The following ASIC2 variants were observed in gnomAD, a reference collection of about 807,000 sequenced individuals.
The protein encoded by ASIC2 is acid sensing ion channel subunit 2, also known as acid-sensing ion channel 2.
A neutral mutation model predicts 57.3 loss-of-function variants in ASIC2; 25 were observed. That is an observed-to-expected ratio of 0.44 (90% CI 0.32 to 0.61). The LOEUF is 0.61. Ranked by LOEUF, ASIC2 falls within the 20% of genes least tolerant of loss-of-function variation. The probability of loss-of-function intolerance (pLI) is 0.06; values close to 1 mark genes in which losing one functional copy is unlikely to be tolerated. For missense variants in ASIC2, 641 were observed against 738.1 expected (o/e 0.87, Z 1.52); for synonymous variants, 319 against 307.5 (o/e 1.04, Z -0.39).
At chr17:33,229,138 C>T (rs1327532297) in intron 1 of ASIC2, among the ~76,000 whole-genome samples, 1 of 151,984 alleles carries the variant, frequency 6.6e-6, no homozygotes, top group African/African-American at 2.4e-5. Context: ...GGACAAATCA[C>T]CTAGCTTCTC....
At chr17:33,960,426 C>T (rs1364519978) in intron 1 of ASIC2, among the ~76,000 whole-genome samples, 1 of 152,198 alleles carries the variant, frequency 6.6e-6, no homozygotes, top group Non-Finnish European at 1.5e-5. Context: ...AATGTACATA[C>T]AGAGGTGAAT....
chr17:33,117,508 G>A (rs2092285875), intron 1 of ASIC2, among the ~76,000 whole-genome samples: 1 of 152,112 alleles, frequency 6.6e-6, no homozygotes, highest in African/African-American at 2.4e-5. Flanking sequence ...CCAACCACCC[G>A]GAAGTAGAGG....
At chr17:33,098,013 C>T (rs1454265768) in intron 2 of ASIC2, among the ~76,000 whole-genome samples, 2 of 152,158 alleles carry the variant, frequency 1.3e-5, no homozygotes, top group Admixed American at 6.5e-5. Context: ...CTGAGACCTG[C>T]GTTTGACTCT....
intron 1 of ASIC2, among the ~76,000 whole-genome samples, chr17:34,109,902 T>C (rs1011489391): frequency 4.6e-5 from 7 of 152,120 alleles, no homozygotes; most frequent in African/African-American, 1.7e-4. Context: ...ATCGTGATAC[T>C]GTATAGATTT....
chr17:34,054,515 G>C (rs1181915284), intron 1 of ASIC2, among the ~76,000 whole-genome samples: 1 of 152,092 alleles, frequency 6.6e-6, no homozygotes, highest in Admixed American at 6.5e-5. Context: ...ACTCATACTG[G>C]TAGCATCCTA....
At chr17:33,317,274 T>C (rs577838409) in intron 1 of ASIC2, among the ~76,000 whole-genome samples, 1 of 152,326 alleles carries the variant, frequency 6.6e-6, no homozygotes, top group African/African-American at 2.4e-5. Flanking sequence ...CTGTGAGCAG[T>C]TCCTCCTGCT....
Position 33,292,740 on chromosome 17 carries a change from C to T in ASIC2, c.-625G>A. On this transcript the variant is annotated 5_prime_UTR_variant, in exon 1 of 10. Coordinates refer to ENST00000225823, the MANE Select transcript of ASIC2 (RefSeq NM_183377.2). ...GTGGGTGTGTACGGGGGTGAGTGGT[C>T]GCCTTGCCGGCTGCCGCCTTCTTTC... The T allele has an allele frequency of 3.0e-6, 3 of 985,734 alleles. No individual in the cohort carries two copies. The highest frequency in any genetic ancestry group is 3.6e-6 in the Non-Finnish European group (3 of 830,300). The allele number at this position is 985,734 out of a possible 1,614,324, so 61.1% of individuals were successfully genotyped here.
intron 1 of ASIC2, chr17:34,072,129 A>T (rs537853030): frequency 6.6e-6 from 1 of 152,638 alleles, no homozygotes; most frequent in Admixed American, 6.5e-5. Flanking sequence ...CAGGGCAGGC[A>T]TCGGGGCGAG....
At chr17:33,986,871 C>T (rs1905837488) in intron 1 of ASIC2, among the ~76,000 whole-genome samples, 1 of 152,092 alleles carries the variant, frequency 6.6e-6, no homozygotes, top group Non-Finnish European at 1.5e-5. Flanking sequence ...TCCACAACAC[C>T]AATGTGGCAA....
intron 1 of ASIC2, among the ~76,000 whole-genome samples, chr17:33,972,221 C>A (rs1273990186): frequency 2.6e-5 from 4 of 152,156 alleles, no homozygotes; most frequent in African/African-American, 9.7e-5. Context: ...GAGAGTCATG[C>A]CTTGTCCATG....
chr17:33,479,279 A>G (rs573563878), intron 1 of ASIC2, among the ~76,000 whole-genome samples: 92 of 152,198 alleles, frequency 6.0e-4, no homozygotes, highest in Admixed American at 3.5e-3. Context: ...GATTACACGC[A>G]TGAGCCACCA....
At chr17:33,330,175 C>T (rs1907253955) in intron 1 of ASIC2, among the ~76,000 whole-genome samples, 1 of 152,164 alleles carries the variant, frequency 6.6e-6, no homozygotes, top group South Asian at 2.1e-4. Flanking sequence ...GAAGTCAGTG[C>T]TGCTCATTCT....
intron 1 of ASIC2, among the ~76,000 whole-genome samples, chr17:33,886,379 C>A (rs543543133): frequency 6.6e-6 from 1 of 152,090 alleles, no homozygotes; most frequent in Non-Finnish European, 1.5e-5. Context: ...GAACAGAAAT[C>A]GGATCAGAAA....
intron 1 of ASIC2, among the ~76,000 whole-genome samples, chr17:33,474,231 G>A (rs1167194525): frequency 1.3e-5 from 2 of 152,194 alleles, no homozygotes; most frequent in African/African-American, 4.8e-5. Context: ...GCCGGGTGTG[G>A]TGGCACACAC....
chr17:33,346,267 A>G (rs1907944983), intron 1 of ASIC2, among the ~76,000 whole-genome samples: 1 of 150,926 alleles, frequency 6.6e-6, no homozygotes, highest in Admixed American at 6.6e-5. Flanking sequence ...GAGAGAGAGA[A>G]AAGGAACATA....
chr17:33,375,011 A>G (rs1205702581), intron 1 of ASIC2, among the ~76,000 whole-genome samples: 1 of 152,226 alleles, frequency 6.6e-6, no homozygotes, highest in Non-Finnish European at 1.5e-5. Flanking sequence ...GAGCCCAAGA[A>G]TCTATTTTTT....
chr17:33,278,124 T>G (rs768176609), intron 1 of ASIC2, among the ~76,000 whole-genome samples: 1 of 151,818 alleles, frequency 6.6e-6, no homozygotes, highest in Non-Finnish European at 1.5e-5. Context: ...AGATGTCACT[T>G]CCTCAGAGAA....
At chr17:33,514,653 T>C (rs969146019) in intron 1 of ASIC2, among the ~76,000 whole-genome samples, 1 of 152,218 alleles carries the variant, frequency 6.6e-6, no homozygotes, top group Non-Finnish European at 1.5e-5. Flanking sequence ...TTTTCTGGAA[T>C]GGGATCCCAT....
At chr17:33,227,598 C>T (rs1907937339) in intron 1 of ASIC2, among the ~76,000 whole-genome samples, 1 of 152,120 alleles carries the variant, frequency 6.6e-6, no homozygotes, top group Non-Finnish European at 1.5e-5. Context: ...CAAAGCGAAC[C>T]TGACCTCCAG....
Sources: gnomAD v4.1 joint callset for allele counts (sites outside exome capture counted in the v4.1 genomes callset) on GRCh38, gnomAD v4.1.1 for gene constraint, MANE v1.5 for transcripts, NCBI Gene and HGNC (gene_info 2026-07-23, HGNC 2026-07-21) for gene names.